PHF3: variants seen among roughly 807,000 people sequenced by gnomAD.
The protein encoded by PHF3 is PHD finger protein 3.
PHF3 carries 41 observed loss-of-function variants against 178.4 expected under a neutral mutation model. That is an observed-to-expected ratio of 0.23 (90% CI 0.18 to 0.30). The LOEUF (loss-of-function observed/expected upper bound fraction) is 0.30. Ranked by LOEUF, PHF3 falls within the 10% of genes least tolerant of loss-of-function variation. The pLI, the probability that PHF3 is intolerant of heterozygous loss-of-function variation, is 1.00. For synonymous variants in PHF3, 842 were observed against 800.5 expected (o/e 1.05, Z -0.88); for missense variants, 2,346 against 2,398.1 (o/e 0.98, Z 0.45).
Position 63,724,881 on chromosome 6 carries a change from C to T in PHF3, c.*11173C>T, listed in dbSNP as rs1045349243. 1.1e-4 allele frequency among the ~76,000 whole-genome samples: 17 copies of T among 151,906 alleles called. No individual in the cohort carries two copies. The highest frequency in any genetic ancestry group is 4.1e-4 in the African/African-American group (17 of 41,490). On this transcript the variant is annotated 3_prime_UTR_variant, in exon 16 of 16. Coordinates refer to ENST00000262043, the MANE Select transcript of PHF3 (RefSeq NM_001370348.2). ...TTTGGTTAGTTTTTACTAATAGGTC[C>T]TCTTAGCAGAGGATCAACTATGAAG... is the stretch of plus-strand genomic sequence containing the variant.
chr6:63,679,887 C>T, intron 2 of PHF3, 113 bp from the exon 3 acceptor site: 2 of 871,524 alleles, frequency 2.3e-6, no homozygotes, highest in South Asian at 2.8e-5. Context: ...TCCAGATTTT[C>T]AAGAGTATGT....
At position 63,725,875 on chromosome 6, in the gene PHF3, A is replaced by G. The variant is rs1194822605; in HGVS notation, c.*12167A>G. ...GAGAGACAAGATCAAAGAAAGTCAA[A>G]TGTAAGATTTTAAAAATACTTAGCA... On this transcript the variant is annotated 3_prime_UTR_variant, in exon 16 of 16. Coordinates refer to ENST00000262043, the MANE Select transcript of PHF3 (RefSeq NM_001370348.2). 6.6e-6 allele frequency among the ~76,000 whole-genome samples: 1 copy of G among 152,184 alleles called. No homozygotes were observed. The highest frequency in any genetic ancestry group is 2.4e-5 in the African/African-American group (1 of 41,466).
chr6:63,704,684 C>T lies in PHF3; in HGVS notation c.3367+1013C>T, dbSNP rs942756771. Among the ~76,000 whole-genome samples, 9 of 151,968 alleles carry T rather than the reference C, an allele frequency of 5.9e-5. No individual in the cohort carries two copies. In the East Asian group the frequency reaches 1.4e-3, roughly 23 times the overall value. Reference sequence around the variant, plus strand: ...GTTTTATTACAAGTTTTGGCAATTACGAATAAAACTAGTATAAACATTTGT... The same window carrying T: ...GTTTTATTACAAGTTTTGGCAATTATGAATAAAACTAGTATAAACATTTGT... On this transcript the variant is annotated intron_variant, in intron 11 of 15. Coordinates refer to ENST00000262043, the MANE Select transcript of PHF3 (RefSeq NM_001370348.2).
At chr6:63,670,744 A>G (rs2149567756) in intron 2 of PHF3, among the ~76,000 whole-genome samples, 1 of 152,290 alleles carries the variant, frequency 6.6e-6, no homozygotes, top group Non-Finnish European at 1.5e-5. Flanking sequence ...TGAATATTTT[A>G]TGTTCCAGCT....
chr6:63,721,844 C>T lies in PHF3; in HGVS notation c.*8136C>T. On this transcript the variant is annotated 3_prime_UTR_variant, in exon 16 of 16. Coordinates refer to ENST00000262043, the MANE Select transcript of PHF3 (RefSeq NM_001370348.2). ...GTTTGATTAGCAACAGTAAAAGTTT[C>T]CATTGAAAACTTTTGCTGTTTCTGG... 6.7e-7 allele frequency: 1 copy of T among 1,485,838 alleles called. No homozygotes were observed. The highest frequency in any genetic ancestry group is 8.9e-7 in the Non-Finnish European group (1 of 1,117,622). The allele number at this position is 1,485,838 out of a possible 1,614,324, so 92.0% of individuals were successfully genotyped here.
In PHF3 at chr6:63,719,186, G is replaced by T. The variant is rs1768279594; in HGVS notation, c.*5478G>T. Among the ~76,000 whole-genome samples, 4 of 152,008 alleles carry T rather than the reference G, an allele frequency of 2.6e-5. No individual in the cohort carries two copies. Reference sequence around the variant, plus strand: ...TAACTCTGGTCGTAGGTCCTTTTAGGAATGTCTGTAGCCTTTTGATTGGAA... The same window carrying T: ...TAACTCTGGTCGTAGGTCCTTTTAGTAATGTCTGTAGCCTTTTGATTGGAA... On this transcript the variant is annotated 3_prime_UTR_variant, in exon 16 of 16. Coordinates refer to ENST00000262043, the MANE Select transcript of PHF3 (RefSeq NM_001370348.2).
At chr6:63,649,856 A>G (rs1161158752) in intron 2 of PHF3, among the ~76,000 whole-genome samples, 2 of 152,174 alleles carry the variant, frequency 1.3e-5, no homozygotes, top group African/African-American at 4.8e-5. Context: ...TTCCCAAGTA[A>G]CAGGTTTGAG....
chr6:63,709,216 A>G lies in PHF3; in HGVS notation c.3777A>G (p.Glu1259=). 6.2e-7 allele frequency: 1 copy of G among 1,612,208 alleles called. No individual in the cohort carries two copies. Among genetic ancestry groups the G allele is most frequent in the African/African-American group, 1.3e-5 (1 of 74,914 alleles). Residue 1259 remains glutamate, a synonymous_variant, in exon 14 of 16, where the codon GAA becomes GAG. Coordinates refer to ENST00000262043, the MANE Select transcript of PHF3 (RefSeq NM_001370348.2). ...CTCAGACAGTTTGGGATTATGTGGA[A>G]AAAATAAAAGCATCAGGAACCAAGG... is the stretch of plus-strand genomic sequence containing the variant. ...ISPQTVWDYV[E]KIKASGTKEI...
rs1186052156 is a variant in PHF3 at position 63,714,156 on chromosome 6, A to G, written c.*448A>G. 1 of 153,722 alleles carries G rather than the reference A, an allele frequency of 6.5e-6. No homozygotes were observed. The highest frequency in any genetic ancestry group is 1.5e-5 in the Non-Finnish European group (1 of 68,906). The allele number at this position is 153,722 out of a possible 1,614,324, so 9.5% of individuals were successfully genotyped here. On this transcript the variant is annotated 3_prime_UTR_variant, in exon 16 of 16. Coordinates refer to ENST00000262043, the MANE Select transcript of PHF3 (RefSeq NM_001370348.2). ...TTAAAGAAACTGTAGAGGAGCAACA[A>G]AAATCCAAGCAACTTCATAATCAGA...
rs778008947 is a variant in PHF3 at position 63,646,766 on chromosome 6, A to T, written c.215A>T (p.Asp72Val). ...QFCLPVLDSN[D>V]PNFQMPCSTV... ...TGTTTGCCTGTTTTGGATAGCAATGATCCCAATTTCCAGATGCCTTGTTCA... is the reference window on the plus strand; with the variant it reads ...TGTTTGCCTGTTTTGGATAGCAATGTTCCCAATTTCCAGATGCCTTGTTCA... Residue 72 changes from aspartate to valine, a missense_variant, in exon 2 of 16, where the codon GAT (aspartate) becomes GTT (valine). This residue lies in a region of PHF3 where 843 missense variants were observed against 795.2 expected (regional missense o/e 1.06). Transcript: ENST00000262043. The T allele has an allele frequency of 6.5e-7, 1 of 1,532,696 alleles. No individual in the cohort carries two copies. Among genetic ancestry groups the T allele is most frequent in the Non-Finnish European group, 8.8e-7 (1 of 1,138,032 alleles). The allele number at this position is 1,532,696 out of a possible 1,614,324, so 94.9% of individuals were successfully genotyped here.
intron 5 of PHF3, 54 bp downstream of exon 5, chr6:63,692,097 C>T (rs1767032771): frequency 8.3e-7 from 1 of 1,209,272 alleles, no homozygotes; most frequent in South Asian, 1.6e-5. Flanking sequence ...TTTGTATGGA[C>T]TGACTGCAAT....
At chr6:63,707,190 G>T (rs924939696) in intron 13 of PHF3, among the ~76,000 whole-genome samples, 3 of 152,134 alleles carry the variant, frequency 2.0e-5, no homozygotes, top group Non-Finnish European at 4.4e-5. Context: ...TTAAATAAAA[G>T]ATTTACATAC....
chr6:63,688,269 T>C (rs1158766718), intron 4 of PHF3, among the ~76,000 whole-genome samples: 1 of 272 alleles, frequency 3.7e-3, no homozygotes, highest in African/African-American at 0.017. Flanking sequence ...CCCCCTCCCC[T>C]CCTCCCCCCT....
chr6:63,674,584 A>G (rs1424107492), intron 2 of PHF3, among the ~76,000 whole-genome samples: 1 of 152,032 alleles, frequency 6.6e-6, no homozygotes. Context: ...AACTCTTACC[A>G]ACGGGTGGTC....
chr6:63,711,553 G>T (rs1304748747), intron 15 of PHF3, 33 bp from the exon 16 acceptor site: 1 of 1,515,246 alleles, frequency 6.6e-7, no homozygotes, highest in African/African-American at 1.4e-5. Context: ...GATTGAAAAT[G>T]ATGAATTAAT....
chr6:63,700,172 C>T (rs1767411782), intron 8 of PHF3, among the ~76,000 whole-genome samples, 178 bp from the exon 9 acceptor site: 1 of 152,078 alleles, frequency 6.6e-6, no homozygotes, highest in Non-Finnish European at 1.5e-5. Context: ...GTGTGTTTTG[C>T]TGCCTTAAAT....
chr6:63,638,152 AT>A (rs1764427731), intron 1 of PHF3, among the ~76,000 whole-genome samples: 1 of 152,154 alleles, frequency 6.6e-6, no homozygotes, highest in African/African-American at 2.4e-5. Context: ...TTTGTCTTTA[AT>A]CATTTCAAAC....
rs773623076 is a variant in PHF3 at position 63,685,874 on chromosome 6, A to G, written c.2152A>G (p.Lys718Glu). The G allele has an allele frequency of 1.9e-6, 3 of 1,613,196 alleles. No homozygotes were observed. Among genetic ancestry groups the G allele is most frequent in the Non-Finnish European group, 2.5e-6 (3 of 1,179,964 alleles). ...FESKYMWTPS[K>E]QCGFCKKPHG... ...AAGCAAATATATGTGGACTCCCAGC[A>G]AGCAGTGTGGGTTTTGCAAAAAACC... The change falls in exon 4 of 16, where the codon AAG becomes GAG. Residue 718 changes from lysine (K) to glutamate (E), a missense_variant. Lys to Glu is a moderately conservative substitution (Grantham distance 56, BLOSUM62 1). Transcript: ENST00000262043.
chr6:63,647,424 A>G (rs536838334), intron 2 of PHF3, among the ~76,000 whole-genome samples: 14 of 152,306 alleles, frequency 9.2e-5, no homozygotes, highest in Admixed American at 5.2e-4. Flanking sequence ...TATAAAATGC[A>G]CATTAGATTT....
Sources: allele counts gnomAD v4.1 joint callset (sites outside exome capture counted in the v4.1 genomes callset), GRCh38; gene constraint gnomAD v4.1.1; regional missense constraint gnomAD v4.1.1; transcripts MANE v1.5; gene names NCBI Gene and HGNC (gene_info 2026-07-23, HGNC 2026-07-21).